CCNT1: variants seen among roughly 807,000 people sequenced by gnomAD.
CCNT1 encodes the protein cyclin-T1.
A neutral mutation model predicts 67.3 loss-of-function variants in CCNT1; 18 were observed. The observed-to-expected ratio is 0.27, with a 90% CI of 0.18 to 0.40. CCNT1 has a LOEUF of 0.40. Among genes scored for constraint, CCNT1 ranks in the 10% least tolerant of loss-of-function variants. The pLI, the probability that CCNT1 is intolerant of heterozygous loss-of-function variation, is 1.00. For synonymous variants in CCNT1, 333 were observed against 310.3 expected (o/e 1.07, Z -0.77); for missense variants, 744 against 884.9 (o/e 0.84, Z 2.02).
chr12:48,699,693 A>C, intron 5 of CCNT1, 85 bp downstream of exon 5: 1 of 863,934 alleles, frequency 1.2e-6, no homozygotes, highest in Non-Finnish European at 1.8e-6. Flanking sequence ...GCCAAAGCAG[A>C]ACTATTATGT....
At chr12:48,696,471 T>C (rs548187763) in intron 6 of CCNT1, among the ~76,000 whole-genome samples, 2 of 151,944 alleles carry the variant, frequency 1.3e-5, no homozygotes, top group South Asian at 4.1e-4. Flanking sequence ...TCAAGTTCTT[T>C]AAAACATTGA....
At chr12:48,697,941 T>G (rs1244614304) in intron 6 of CCNT1, 197 bp downstream of exon 6, 3 of 376,770 alleles carry the variant, frequency 8.0e-6, no homozygotes, top group Non-Finnish European at 1.5e-5. Context: ...CAGAACTGAG[T>G]AGGTTATCAA....
intron 2 of CCNT1, among the ~76,000 whole-genome samples, chr12:48,711,937 C>G (rs994796457): frequency 6.6e-6 from 1 of 152,142 alleles, no homozygotes; most frequent in Admixed American, 6.5e-5. Context: ...GGACTACAGG[C>G]GCCCACCGCC....
Position 48,690,846 on chromosome 12 carries a change from T to C in CCNT1, c.*2187A>G, listed in dbSNP as rs1005323631. On this transcript the variant is annotated 3_prime_UTR_variant, in exon 9 of 9. Coordinates refer to ENST00000261900, the MANE Select transcript of CCNT1 (RefSeq NM_001240.4). ...ACATTTGATGAGAGTAACTAAAAGC[T>C]GGAAAAGACATTTTTCAAAATCAAA... 1 of 152,120 alleles carries C rather than the reference T, an allele frequency of 6.6e-6. No homozygotes were observed. Among genetic ancestry groups the C allele is most frequent in the Non-Finnish European group, 1.5e-5 (1 of 68,014 alleles). 9.4% of individuals were successfully genotyped at this position (152,120 alleles called of 1,614,324 possible). A position where few individuals can be genotyped will look rare whatever the true frequency, so the allele number is the denominator to read the frequency against.
chr12:48,703,185 C>T (rs975158683), intron 3 of CCNT1, among the ~76,000 whole-genome samples: 10 of 151,700 alleles, frequency 6.6e-5, no homozygotes, highest in South Asian at 2.1e-4. Context: ...GAGGCCAAGG[C>T]GGGCGGATCA....
At position 48,692,343 on chromosome 12, in the gene CCNT1, A is replaced by T. The variant is rs1940088695; in HGVS notation, c.*690T>A. 1 of 152,136 alleles carries T rather than the reference A, an allele frequency of 6.6e-6. No individual in the cohort carries two copies. The highest frequency in any genetic ancestry group is 1.5e-5 in the Non-Finnish European group (1 of 68,026). The allele number at this position is 152,136 out of a possible 1,614,324, so 9.4% of individuals were successfully genotyped here. On this transcript the variant is annotated 3_prime_UTR_variant, in exon 9 of 9. Transcript: ENST00000261900. ...CGGTAAGGAACAGGGAGGGAAGATA[A>T]AACATTATTTTTAAACACACACACT...
At position 48,694,131 on chromosome 12, in the gene CCNT1, A is replaced by T. The variant is rs1940131574; in HGVS notation, c.1083T>A (p.Asp361Glu). 1 of 1,614,124 alleles carries T rather than the reference A, an allele frequency of 6.2e-7. No homozygotes were observed. Among genetic ancestry groups the T allele is most frequent in the Non-Finnish European group, 8.5e-7 (1 of 1,180,054 alleles). The change falls in exon 9 of 9, where the codon GAT becomes GAA. Residue 361 changes from aspartate to glutamate, a missense_variant. By Grantham distance (45) the Asp-to-Glu change is conservative. Around this residue, in one of 3 missense-constraint regions of CCNT1, gnomAD observed 564 missense variants for 574.2 expected, o/e 0.98. Transcript: ENST00000261900. ...TTGAACCATCCTGTGGTAAGGAATG[A>T]TCAACTCCTGTAAGTGCTAAATTCT... ...TSENLALTGV[D>E]HSLPQDGSNA...
chr12:48,707,752 A>G (rs1277734981), intron 2 of CCNT1, among the ~76,000 whole-genome samples: 1 of 152,196 alleles, frequency 6.6e-6, no homozygotes, highest in Non-Finnish European at 1.5e-5. Flanking sequence ...GGAGAAAAGG[A>G]TGGGATACAT....
At chr12:48,696,578 T>A (rs1212191614) in intron 6 of CCNT1, among the ~76,000 whole-genome samples, 2 of 152,204 alleles carry the variant, frequency 1.3e-5, no homozygotes, top group Admixed American at 1.3e-4. Context: ...CTTTTTGGTC[T>A]GTGTAATCCG....
At position 48,693,358 on chromosome 12, in the gene CCNT1, T is replaced by C. The variant is rs1940110898; in HGVS notation, c.1856A>G (p.Asp619Gly). Residue 619 changes from aspartate to glycine, a missense_variant, in exon 9 of 9, where the codon GAC becomes GGC. Transcript: ENST00000261900. ...CTGTGAAAAGGAAAGGCCACTTGTG[T>C]CTGAGCTATGCCCAGGCATCTGACC... ...TMGQMPGHSS[D>G]TSGLSFSQPS... 1.9e-6 allele frequency: 3 copies of C among 1,614,124 alleles called. No individual in the cohort carries two copies. Among genetic ancestry groups the C allele is most frequent in the African/African-American group, 1.3e-5 (1 of 74,944 alleles).
At chr12:48,712,595 T>TAAAAAAAAAAA (rs759919820) in intron 2 of CCNT1, among the ~76,000 whole-genome samples, 21 of 33,362 alleles carry the variant, frequency 6.3e-4, no homozygotes, top group Admixed American at 2.0e-3. Context: ...AAAAAAAAAA[T>TAAAAAAAAAAA]AAAAAAAAAA....
chr12:48,702,452 T>C (rs1940286126), intron 3 of CCNT1, among the ~76,000 whole-genome samples: 1 of 152,174 alleles, frequency 6.6e-6, no homozygotes, highest in Non-Finnish European at 1.5e-5. Flanking sequence ...TGAAACGTGC[T>C]ATAACCATAA....
In CCNT1 at chr12:48,690,668, G is replaced by C. The variant is rs1290013824; in HGVS notation, c.*2365C>G. 1 of 152,182 alleles carries C rather than the reference G, an allele frequency of 6.6e-6. No homozygotes were observed. The highest frequency in any genetic ancestry group is 2.4e-5 in the African/African-American group (1 of 41,434). The allele number at this position is 152,182 out of a possible 1,614,324, so 9.4% of individuals were successfully genotyped here. Reference sequence around the variant, plus strand: ...CAAAGGCCGGACTACACGGCACAAAGCAACTCTTAGGCCCTAGTAAGCACT... The same window carrying C: ...CAAAGGCCGGACTACACGGCACAAACCAACTCTTAGGCCCTAGTAAGCACT... On this transcript the variant is annotated 3_prime_UTR_variant, in exon 9 of 9. Transcript: ENST00000261900.
Position 48,688,809 on chromosome 12 carries a change from A to T in CCNT1, c.*4224T>A, listed in dbSNP as rs201902874. ...GAGTGACAGATTGGTAAAGTGTTTT[A>T]CTTTTTTTTTTCTTTTCGCTCTTTG... On this transcript the variant is annotated 3_prime_UTR_variant, in exon 9 of 9. Coordinates refer to ENST00000261900, the MANE Select transcript of CCNT1 (RefSeq NM_001240.4). 7.3e-6 allele frequency: 1 copy of T among 136,314 alleles called. No homozygotes were observed. The highest frequency in any genetic ancestry group is 2.5e-5 in the African/African-American group (1 of 39,706). The allele number at this position is 136,314 out of a possible 1,614,324, so 8.4% of individuals were successfully genotyped here. A position where few individuals can be genotyped will look rare whatever the true frequency, so the allele number is the denominator to read the frequency against.
intron 2 of CCNT1, among the ~76,000 whole-genome samples, chr12:48,711,511 A>G (rs2137243576): frequency 6.6e-6 from 1 of 152,288 alleles, no homozygotes; most frequent in Non-Finnish European, 1.5e-5. Flanking sequence ...CTTCACCCCA[A>G]ATTTCAAGTC....
At chr12:48,699,141 C>T (rs997568955) in intron 5 of CCNT1, among the ~76,000 whole-genome samples, 6 of 152,086 alleles carry the variant, frequency 3.9e-5, no homozygotes, top group Admixed American at 2.0e-4. Flanking sequence ...TTAACATACA[C>T]CCATCTCTAG....
intron 2 of CCNT1, among the ~76,000 whole-genome samples, chr12:48,710,603 G>A (rs1940433990): frequency 1.3e-5 from 2 of 152,104 alleles, no homozygotes; most frequent in African/African-American, 2.4e-5. Flanking sequence ...GCAACAGAGC[G>A]AGATCTCCCG....
At chr12:48,699,690 C>T (rs1481097480) in intron 5 of CCNT1, 88 bp downstream of exon 5, 2 of 833,326 alleles carry the variant, frequency 2.4e-6, no homozygotes, top group East Asian at 5.2e-5. Flanking sequence ...TTAGCCAAAG[C>T]AGAACTATTA....
At chr12:48,712,960 C>T (rs927211240) in intron 2 of CCNT1, among the ~76,000 whole-genome samples, 48 of 151,932 alleles carry the variant, frequency 3.2e-4, no homozygotes, top group Non-Finnish European at 2.9e-4. Context: ...AAAATCAATC[C>T]ATATGAAGTA....
Sources: allele counts gnomAD v4.1 joint callset (sites outside exome capture counted in the v4.1 genomes callset), GRCh38; gene constraint gnomAD v4.1.1; regional missense constraint gnomAD v4.1.1; transcripts MANE v1.5; gene names NCBI Gene and HGNC (gene_info 2026-07-23, HGNC 2026-07-21).